Variants in PPOX observed in about 807,000 individuals in gnomAD.
The protein encoded by PPOX is variegate porphyria.
PPOX carries 23 observed loss-of-function variants against 54.1 expected under a neutral mutation model. The ratio of observed to expected loss-of-function variants is 0.43; its 90% CI spans 0.31 to 0.60. PPOX has a LOEUF of 0.60. Ranked by LOEUF, PPOX falls within the 20% of genes least tolerant of loss-of-function variation. The pLI is 0.13. For synonymous variants in PPOX, 224 were observed against 236.1 expected (o/e 0.95, Z 0.47); for missense variants, 512 against 601.1 (o/e 0.85, Z 1.55).
upstream of PPOX, chr1:161,166,053 A>T (rs1455552393): frequency 3.1e-6 from 3 of 975,970 alleles, no homozygotes; most frequent in Non-Finnish European, 3.7e-6. Flanking sequence ...TGTTGCTAAC[A>T]TCAAGGAGCT....
Position 161,168,500 on chromosome 1 carries a change from C to T in PPOX, c.540C>T (p.Ile180=). The change falls in exon 6 of 13, where the codon ATC becomes ATT. Residue 180 remains isoleucine, a synonymous_variant. Transcript: ENST00000367999. The stretch of plus-strand genomic sequence containing the variant: ...CAGGCAACAGCCGTGAGCTCAGCAT[C>T]AGGTCCTGCTTTCCCAGTCTCTTCC... ...VFAGNSRELS[I]RSCFPSLFQA... 6.2e-7 allele frequency: 1 copy of T among 1,614,190 alleles called. No individual in the cohort carries two copies. Among genetic ancestry groups the T allele is most frequent in the Non-Finnish European group, 8.5e-7 (1 of 1,180,024 alleles).
downstream of PPOX, chr1:161,172,409 C>CA (rs1166652803): frequency 5.6e-6 from 7 of 1,242,700 alleles, no homozygotes; most frequent in South Asian, 3.1e-5. Context: ...TCTGTACACA[C>CA]AAAAAAACAA....
downstream of PPOX, chr1:161,176,106 GCAGGAAGAGAGCAAGC>G: frequency 6.2e-7 from 1 of 1,608,334 alleles, no homozygotes; most frequent in African/African-American, 1.3e-5. Flanking sequence ...CTGGGGGTAG[GCAGGAAGAGAGCAAGC>G]CAGCAGAGAG....
downstream of PPOX, chr1:161,175,865 C>T: frequency 6.2e-7 from 1 of 1,614,154 alleles, no homozygotes; most frequent in Non-Finnish European, 8.5e-7. Flanking sequence ...GGAGGACCCC[C>T]TGGGGCCCCA....
downstream of PPOX, chr1:161,177,494 C>T (rs113979660): frequency 8.3e-5 from 14 of 169,116 alleles, no homozygotes; most frequent in Admixed American, 7.0e-4. Flanking sequence ...ATCTTGGAAG[C>T]GGGCGCTGCG....
Position 161,169,640 on chromosome 1 carries a change from A to C in PPOX, c.808-20A>C, listed in dbSNP as rs780943322. 8.1e-6 allele frequency: 13 copies of C among 1,612,914 alleles called. No homozygotes were observed. The highest frequency in any genetic ancestry group is 1.1e-5 in the Non-Finnish European group (13 of 1,178,978). On this transcript the variant is annotated intron_variant, in intron 7 of 12. Coordinates refer to ENST00000367999, the MANE Select transcript of PPOX (RefSeq NM_001122764.3). ...CAAATTCTCATTTTCTGGGTCTCTC[A>C]AATGTTTTCATGCTCTCAGGTATCT...
At chr1:161,177,118 G>GGGAGAGGGA (rs1025882545), downstream of PPOX, 1 of 1,506,312 alleles carries the variant, frequency 6.6e-7, no homozygotes, top group African/African-American at 1.4e-5. Context: ...TGAAGAGAAA[G>GGGAGAGGGA]GGAGAGGGAG....
downstream of PPOX, chr1:161,177,269 C>T: frequency 1.7e-6 from 1 of 595,062 alleles, no homozygotes; most frequent in South Asian, 2.1e-5. Context: ...TACCTACTAG[C>T]AACGTGAGCC....
At chr1:161,177,141 G>A, downstream of PPOX, 1 of 1,456,258 alleles carries the variant, frequency 6.9e-7, no homozygotes, top group Non-Finnish European at 9.3e-7. Context: ...CAGGGGCAGA[G>A]ACAGTCAGGG....
intron 6 of PPOX, among the ~76,000 whole-genome samples, chr1:161,168,782 C>T (rs1660046976): frequency 6.6e-6 from 1 of 152,082 alleles, no homozygotes; most frequent in Non-Finnish European, 1.5e-5. Context: ...CCTGCCTCAG[C>T]CTCTTAAGTA....
chr1:161,169,921 T>C lies in PPOX; in HGVS notation c.884T>C (p.Leu295Pro). The change falls in exon 9 of 13, where the codon CTC becomes CCC. Residue 295 changes from leucine (L) to proline (P), a missense_variant. Leu to Pro is a moderately conservative substitution (Grantham distance 98, BLOSUM62 -3). Coordinates refer to ENST00000367999, the MANE Select transcript of PPOX (RefSeq NM_001122764.3). Reference protein sequence around the residue: ...AIPASVLSELLPAEAAPLARA... With the variant: ...AIPASVLSELPPAEAAPLARA... ...TGATCTCTAGTGCTCAGTGAGCTGC[T>C]CCCTGCTGAGGCTGCCCCTCTGGCT... The C allele has an allele frequency of 1.2e-6, 2 of 1,614,182 alleles. No homozygotes were observed. Among genetic ancestry groups the C allele is most frequent in the Non-Finnish European group, 1.7e-6 (2 of 1,180,022 alleles).
At chr1:161,169,787 G>T in intron 8 of PPOX, 67 bp downstream of exon 8, 1 of 1,613,440 alleles carries the variant, frequency 6.2e-7, no homozygotes, top group Non-Finnish European at 8.5e-7. Flanking sequence ...ATACCTTCCT[G>T]GGTCAGCAGG....
intron 7 of PPOX, 79 bp from the exon 8 acceptor site, chr1:161,169,581 G>A: frequency 6.9e-7 from 1 of 1,456,176 alleles, no homozygotes; most frequent in South Asian, 1.1e-5. Context: ...CTGGGAAACT[G>A]AGAGTGAGGC....
chr1:161,167,147 C>T lies in PPOX; in HGVS notation c.135C>T (p.Ser45=). 1 of 1,614,172 alleles carries T rather than the reference C, an allele frequency of 6.2e-7. No individual in the cohort carries two copies. The highest frequency in any genetic ancestry group is 8.5e-7 in the Non-Finnish European group (1 of 1,180,040). ...SSERLGGWIR[S]VRGPNGAIFE... ...AGCGTCTGGGAGGCTGGATTCGCTC[C>T]GTTCGAGGCCCTAATGGTGCTATCT... Residue 45 remains serine, a synonymous_variant, in exon 3 of 13, where the codon TCC becomes TCT. Transcript: ENST00000367999.
Position 161,166,651 on chromosome 1 carries a change from C to T in PPOX, c.-30C>T, listed in dbSNP as rs1341961308. On this transcript the variant is annotated 5_prime_UTR_variant, in exon 1 of 13. Transcript: ENST00000367999. ...CCTCGATCTCCTTCTCCCTCATTTTCTCTCATCCCTACCTATTGTGGGTGA... is the reference window on the plus strand; with the variant it reads ...CCTCGATCTCCTTCTCCCTCATTTTTTCTCATCCCTACCTATTGTGGGTGA... 5 of 1,476,300 alleles carry T rather than the reference C, an allele frequency of 3.4e-6. No individual in the cohort carries two copies. In the South Asian group the frequency reaches 5.4e-5, roughly 16 times the overall value. The allele number at this position is 1,476,300 out of a possible 1,614,324, so 91.5% of individuals were successfully genotyped here.
At position 161,166,663 on chromosome 1, in the gene PPOX, C is replaced by T; in HGVS notation, c.-18C>T. ...TCTCCCTCATTTTCTCTCATCCCTA[C>T]CTATTGTGGGTGAGTCCTGGCCCCT... On this transcript the variant is annotated 5_prime_UTR_variant, in exon 1 of 13. Transcript: ENST00000367999. 2.0e-6 allele frequency: 3 copies of T among 1,492,304 alleles called. No homozygotes were observed. The highest frequency in any genetic ancestry group is 2.7e-6 in the Non-Finnish European group (3 of 1,124,418). The allele number at this position is 1,492,304 out of a possible 1,614,324, so 92.4% of individuals were successfully genotyped here. A position where few individuals can be genotyped will look rare whatever the true frequency, so the allele number is the denominator to read the frequency against.
chr1:161,167,566 T>TTC, intron 4 of PPOX, 80 bp downstream of exon 4: 1 of 1,380,244 alleles, frequency 7.2e-7, no homozygotes, highest in East Asian at 2.5e-5. Flanking sequence ...TCTTTTTTTT[T>TTC]TTTTTTTTTT....
chr1:161,166,308 C>T (rs1216595679), upstream of PPOX: 1 of 1,022,642 alleles, frequency 9.8e-7, no homozygotes, highest in Admixed American at 5.0e-5. Flanking sequence ...TTACAGCTGC[C>T]GTCGCTCCGC....
intron 8 of PPOX, 90 bp downstream of exon 8, chr1:161,169,810 C>A (rs993361343): frequency 2.5e-6 from 4 of 1,612,872 alleles, no homozygotes; most frequent in African/African-American, 2.7e-5. Flanking sequence ...CACACCATGC[C>A]CCTGAACTGG....
Sources: gnomAD v4.1 joint callset for allele counts (sites outside exome capture counted in the v4.1 genomes callset) on GRCh38, gnomAD v4.1.1 for gene constraint, MANE v1.5 for transcripts, NCBI Gene and HGNC (gene_info 2026-07-23, HGNC 2026-07-21) for gene names.